The following JAK1 variants were observed in gnomAD, a reference collection of about 807,000 sequenced individuals.
JAK1 encodes the protein tyrosine-protein kinase JAK1.
JAK1 carries 16 observed loss-of-function variants against 136.6 expected under a neutral mutation model. The observed-to-expected ratio is 0.12, with a 90% CI of 0.08 to 0.18. The LOEUF is 0.18. JAK1 is among the 10% of genes least tolerant of loss of function. The pLI is 1.00. For missense variants in JAK1, 859 were observed against 1,450.1 expected, an observed-to-expected ratio of 0.59 and a Z score of 6.62; for synonymous variants, 492 against 519.5, an observed-to-expected ratio of 0.95 and a Z score of 0.72.
At chr1:65,049,779 G>A (rs140472488) in intron 1 of JAK1, among the ~76,000 whole-genome samples, 86 of 152,208 alleles carry the variant, frequency 5.7e-4, no homozygotes, top group Admixed American at 1.5e-3. Context: ...ATGTAGTGTC[G>A]CTCCCTGTCT....
At chr1:65,045,535 G>A (rs1647176583) in intron 1 of JAK1, among the ~76,000 whole-genome samples, 2 of 152,140 alleles carry the variant, frequency 1.3e-5, no homozygotes, top group Admixed American at 1.3e-4. Context: ...TGGCTCTGGA[G>A]TCAGGGGGTT....
chr1:65,061,090 T>C (rs577176280), intron 1 of JAK1, among the ~76,000 whole-genome samples: 2 of 152,346 alleles, frequency 1.3e-5, no homozygotes, highest in African/African-American at 2.4e-5. Flanking sequence ...CAGGCACTTA[T>C]AGAAAACTGG....
At chr1:64,985,045 C>G (rs1197275605) in intron 2 of JAK1, 1 of 867,902 alleles carries the variant, frequency 1.2e-6, no homozygotes, top group Non-Finnish European at 2.0e-6. Flanking sequence ...AACAAACAAA[C>G]AGACATGAGG....
intron 1 of JAK1, among the ~76,000 whole-genome samples, chr1:65,061,969 GTCA>G (rs1647809394): frequency 6.6e-6 from 1 of 152,060 alleles, no homozygotes; most frequent in Non-Finnish European, 1.5e-5. Flanking sequence ...GAGAAGAGGT[GTCA>G]TCATTTTACT....
chr1:64,844,677 A>T lies in JAK1; in HGVS notation c.2251+77T>A. 1 of 1,574,828 alleles carries T rather than the reference A, an allele frequency of 6.3e-7. No homozygotes were observed. The highest frequency in any genetic ancestry group is 8.7e-7 in the Non-Finnish European group (1 of 1,148,828). ...AAAATGACTCTCTAAAAGGAGACCA[A>T]CCCCAGCCCAGCCCTTCTCTCTGCT... On this transcript the variant is annotated intron_variant, in intron 16 of 24. Transcript: ENST00000342505. The surrounding 1 kb of genome is among the most constrained non-coding windows in gnomAD (Gnocchi z 5.7).
At chr1:64,889,978 A>G (rs571984983) in intron 1 of JAK1, among the ~76,000 whole-genome samples, 6 of 152,242 alleles carry the variant, frequency 3.9e-5, no homozygotes, top group South Asian at 2.1e-4. Context: ...CACACCTACA[A>G]TGAATTACTT....
chr1:64,959,168 G>C (rs560268311), intron 1 of JAK1, among the ~76,000 whole-genome samples: 1 of 152,244 alleles, frequency 6.6e-6, no homozygotes, highest in African/African-American at 2.4e-5. Flanking sequence ...CCAATCACGT[G>C]GCAACAACTG....
rs745818157 is a variant in JAK1, at chr1:64,835,410, T to C, written c.3355A>G (p.Asn1119Asp). 3 of 1,592,642 alleles carry C rather than the reference T, an allele frequency of 1.9e-6. No homozygotes were observed. Among genetic ancestry groups the C allele is most frequent in the Non-Finnish European group, 2.6e-6 (3 of 1,168,106 alleles). Residue 1119 changes from asparagine (N) to aspartate (D), a missense_variant, in exon 24 of 25, where the codon AAC becomes GAC. By Grantham distance (23) the Asn-to-Asp change is conservative (BLOSUM62 1). Around this residue, in one of 4 missense-constraint regions of JAK1, gnomAD observed 53 missense variants for 64.8 expected, o/e 0.82. Coordinates refer to ENST00000342505, the MANE Select transcript of JAK1 (RefSeq NM_002227.4). Reference protein sequence around the residue: ...KEGKRLPCPPNCPDEVYQLMR... With the variant: ...KEGKRLPCPPDCPDEVYQLMR... ...CCCATAGATACCTCATCTGGACAGT[T>C]AGGTGGGCACGGCAGGCGTTTTCCT...
At chr1:65,066,914 TTA>T (rs1491528218) in intron 1 of JAK1, 1 of 151,720 alleles carries the variant, frequency 6.6e-6, no homozygotes, top group African/African-American at 2.4e-5. Context: ...TGCGCAACAT[TTA>T]CACACACACC....
intron 11 of JAK1, among the ~76,000 whole-genome samples, chr1:64,851,857 T>C (rs1057151825): frequency 1.3e-5 from 2 of 152,232 alleles, no homozygotes; most frequent in African/African-American, 4.8e-5. Context: ...TTCCCTTCAC[T>C]TCCTCTTTCC....
At chr1:65,045,466 T>C (rs978595145) in intron 1 of JAK1, among the ~76,000 whole-genome samples, 6 of 152,072 alleles carry the variant, frequency 3.9e-5, no homozygotes, top group Admixed American at 6.6e-5. Flanking sequence ...ACCTTCTCTG[T>C]GATGTGGCAT....
chr1:64,981,875 G>A (rs1464960394), intron 2 of JAK1, among the ~76,000 whole-genome samples: 3 of 152,136 alleles, frequency 2.0e-5, no homozygotes, highest in Non-Finnish European at 4.4e-5. Flanking sequence ...TGCCCCTTTA[G>A]AGATATTCAA....
At position 64,936,690 on chromosome 1, in the gene JAK1, G is replaced by A. The variant is rs143273859; in HGVS notation, c.-78+29643C>T. ...CTAGCTCTGTGATCCTAAAAAGCAG[G>A]AAAACACTAGGACCTACCTACCTCA... On this transcript the variant is annotated intron_variant, in intron 1 of 24. Transcript: ENST00000342505. Among the ~76,000 whole-genome samples the A allele has an allele frequency of 5.5e-4, 84 of 152,222 alleles. 1 individual carries two copies. The Middle Eastern group carries it at 0.02, about 37-fold the overall frequency.
chr1:64,963,262 T>C (rs1400898493), intron 1 of JAK1, among the ~76,000 whole-genome samples: 2 of 152,154 alleles, frequency 1.3e-5, no homozygotes, highest in African/African-American at 4.8e-5. Flanking sequence ...AGAAAAGAAA[T>C]TGGCAAGGAT....
chr1:64,844,363 C>G lies in JAK1; in HGVS notation c.2252-148G>C. ...GGCCCATGGCCACATAGGCCCTGTGCGGGGGGCCTGCAGGCGTGCAGCCCT... is the reference window on the plus strand; with the variant it reads ...GGCCCATGGCCACATAGGCCCTGTGGGGGGGGCCTGCAGGCGTGCAGCCCT... On this transcript the variant is annotated intron_variant, in intron 16 of 24. Transcript: ENST00000342505. The surrounding 1 kb of genome is among the most constrained non-coding windows in gnomAD (Gnocchi z 5.7). 1 of 1,043,620 alleles carries G rather than the reference C, an allele frequency of 9.6e-7. No homozygotes were observed. Among genetic ancestry groups the G allele is most frequent in the Non-Finnish European group, 1.4e-6 (1 of 698,632 alleles). 64.6% of individuals were successfully genotyped at this position (1,043,620 alleles called of 1,614,324 possible).
chr1:64,860,951 T>TTG (rs1656288248), intron 8 of JAK1, among the ~76,000 whole-genome samples: 1 of 137,858 alleles, frequency 7.3e-6, no homozygotes, highest in Non-Finnish European at 1.5e-5. Flanking sequence ...TGTGTGTGTG[T>TTG]GTGTGTGTGT....
At chr1:65,051,184 GT>G (rs34684205) in intron 1 of JAK1, among the ~76,000 whole-genome samples, 88,969 of 147,892 alleles carry the variant, frequency 0.6, 27,107 homozygotes, top group South Asian at 0.71. Context: ...GGTATGTCAG[GT>G]TTTTTTTTTT....
intron 5 of JAK1, among the ~76,000 whole-genome samples, chr1:64,872,155 T>C (rs920678174): frequency 6.6e-6 from 1 of 152,190 alleles, no homozygotes; most frequent in Non-Finnish European, 1.5e-5. Context: ...TCGGCAATAT[T>C]GAAGACATTT....
At chr1:65,047,643 TG>T (rs1647197277) in intron 1 of JAK1, among the ~76,000 whole-genome samples, 1 of 151,004 alleles carries the variant, frequency 6.6e-6, no homozygotes, top group Admixed American at 6.6e-5. Context: ...GGCGTGAACC[TG>T]GGAGGCGGAG....
Sources: gnomAD v4.1 joint callset for allele counts (sites outside exome capture counted in the v4.1 genomes callset) on GRCh38, gnomAD v4.1.1 for gene constraint, gnomAD v4.1.1 regional missense constraint, Gnocchi (gnomAD v3.1) non-coding constraint, MANE v1.5 for transcripts, NCBI Gene and HGNC (gene_info 2026-07-23, HGNC 2026-07-21) for gene names.